Variants in UHRF2 observed in about 807,000 individuals in gnomAD.
UHRF2 encodes the protein ubiquitin like with PHD and ring finger domains 2, also known as E3 ubiquitin-protein ligase UHRF2.
A neutral mutation model predicts 96.8 loss-of-function variants in UHRF2; 23 were observed. The ratio of observed to expected loss-of-function variants is 0.24; its 90% CI spans 0.17 to 0.34. UHRF2 has a LOEUF of 0.34. Among genes scored for constraint, UHRF2 ranks in the 10% least tolerant of loss-of-function variants. The pLI, the probability that UHRF2 is intolerant of heterozygous loss-of-function variation, is 1.00. For missense variants in UHRF2, 685 were observed against 981.5 expected (o/e 0.70, Z 4.04); for synonymous variants, 385 against 332.6 (o/e 1.16, Z -1.72).
chr9:6,445,254 C>T (rs893263821), intron 3 of UHRF2, among the ~76,000 whole-genome samples: 8 of 150,156 alleles, frequency 5.3e-5, no homozygotes, highest in African/African-American at 2.0e-4. Flanking sequence ...ACTATTTGAC[C>T]TGTGTTATTT....
intron 3 of UHRF2, among the ~76,000 whole-genome samples, chr9:6,459,798 C>A (rs1822415298): frequency 6.6e-6 from 1 of 152,194 alleles, no homozygotes; most frequent in South Asian, 2.1e-4. Flanking sequence ...CATAGTAAGA[C>A]CCTGCTTCTA....
chr9:6,488,540 C>CTTTTTTTTTTTTTTTTTTTT, intron 9 of UHRF2, among the ~76,000 whole-genome samples: 1 of 83,822 alleles, frequency 1.2e-5, no homozygotes, highest in Non-Finnish European at 2.2e-5. Context: ...TTTTTCTTTT[C>CTTTTTTTTTTTTTTTTTTTT]TTTTTTTTTT....
chr9:6,452,143 T>G (rs1821911955), intron 3 of UHRF2, among the ~76,000 whole-genome samples: 1 of 152,194 alleles, frequency 6.6e-6, no homozygotes, highest in African/African-American at 2.4e-5. Flanking sequence ...TCATTTCTTT[T>G]TTATAGGAGC....
At chr9:6,421,809 T>C (rs1819946817) in intron 2 of UHRF2, among the ~76,000 whole-genome samples, 1 of 152,186 alleles carries the variant, frequency 6.6e-6, no homozygotes, top group Non-Finnish European at 1.5e-5. Flanking sequence ...TTTTATACTC[T>C]TTTTGTTTTT....
At chr9:6,490,657 T>TA (rs1203371143) in intron 9 of UHRF2, among the ~76,000 whole-genome samples, 1 of 152,174 alleles carries the variant, frequency 6.6e-6, no homozygotes, top group African/African-American at 2.4e-5. Context: ...TTATCTTAAA[T>TA]ATATGAAGTT....
chr9:6,490,112 A>G lies in UHRF2; in HGVS notation c.1497+3187A>G, dbSNP rs1824569958. ...CAACTAGAAATGTAGTCTCTTTAAC[A>G]TTTGTTTTTAGTGTCTGAGCAATTG... is the stretch of plus-strand genomic sequence containing the variant. On this transcript the variant is annotated intron_variant, in intron 9 of 15. Coordinates refer to ENST00000276893, the MANE Select transcript of UHRF2 (RefSeq NM_152896.3). Among the ~76,000 whole-genome samples, 4 of 152,276 alleles carry G rather than the reference A, an allele frequency of 2.6e-5. No homozygotes were observed. The South Asian group carries it at 6.2e-4, about 24-fold the overall frequency.
intron 9 of UHRF2, among the ~76,000 whole-genome samples, chr9:6,489,322 C>G (rs1210982573): frequency 6.6e-6 from 1 of 152,178 alleles, no homozygotes; most frequent in Non-Finnish European, 1.5e-5. Context: ...CATGGAAGAA[C>G]AGCTGGGTTC....
At chr9:6,499,381 G>T (rs560087425) in intron 12 of UHRF2, 1 of 152,148 alleles carries the variant, frequency 6.6e-6, no homozygotes, top group Non-Finnish European at 1.5e-5. Context: ...AGCTCCTGCC[G>T]CTAACTTTAG....
chr9:6,481,242 T>C (rs560809287), intron 6 of UHRF2, among the ~76,000 whole-genome samples: 2 of 152,316 alleles, frequency 1.3e-5, no homozygotes, highest in Non-Finnish European at 2.9e-5. Context: ...CTCTGGGAAT[T>C]CTAATAACCA....
At position 6,430,967 on chromosome 9, in the gene UHRF2, T is replaced by G. The variant is rs114887380; in HGVS notation, c.385-2947T>G. On this transcript the variant is annotated intron_variant, in intron 2 of 15. Coordinates refer to ENST00000276893, the MANE Select transcript of UHRF2 (RefSeq NM_152896.3). ...TGCTCCCACATAGGCAAATTCTGTT[T>G]TCCTCTTTTGTCTGCTATTTTGCTA... Among the ~76,000 whole-genome samples the G allele has an allele frequency of 1.1e-3, 175 of 152,354 alleles. 2 individuals carry two copies. The highest frequency in any genetic ancestry group is 4.0e-3 in the African/African-American group (167 of 41,590).
At position 6,493,846 on chromosome 9, in the gene UHRF2, A is replaced by T; in HGVS notation, c.1518A>T (p.Thr506=). The T allele has an allele frequency of 6.2e-7, 1 of 1,614,004 alleles. No individual in the cohort carries two copies. The highest frequency in any genetic ancestry group is 1.1e-5 in the South Asian group (1 of 91,076). The change falls in exon 10 of 16, where the codon ACA becomes ACT. Residue 506 remains threonine, a synonymous_variant. Coordinates refer to ENST00000276893, the MANE Select transcript of UHRF2 (RefSeq NM_152896.3). Reference sequence around the variant, plus strand: ...GACAGGACCGAGGTGATGAGTTCACATACACTGGAAGCGGTGGTAAAAATC... The same window carrying T: ...GACAGGACCGAGGTGATGAGTTCACTTACACTGGAAGCGGTGGTAAAAATC... The part of the protein sequence containing the change: ...ADEVDRGDEF[T]YTGSGGKNLA...
intron 9 of UHRF2, among the ~76,000 whole-genome samples, chr9:6,489,949 T>C (rs1329529462): frequency 6.6e-6 from 1 of 152,186 alleles, no homozygotes; most frequent in Non-Finnish European, 1.5e-5. Flanking sequence ...ATGGAAATAT[T>C]TAGGTTCATC....
At chr9:6,420,641 C>T (rs1486477543) in intron 1 of UHRF2, among the ~76,000 whole-genome samples, 1 of 149,918 alleles carries the variant, frequency 6.7e-6, no homozygotes, top group East Asian at 2.0e-4. Context: ...CGGGAGGAGG[C>T]GCTTGCAGTG....
intron 13 of UHRF2, among the ~76,000 whole-genome samples, 188 bp downstream of exon 13, chr9:6,500,119 C>T (rs967804937): frequency 1.3e-5 from 2 of 151,960 alleles, no homozygotes; most frequent in African/African-American, 2.4e-5. Context: ...GGCTGTACAC[C>T]ACCACACCTG....
chr9:6,418,839 T>C lies in UHRF2; in HGVS notation c.154-2073T>C, dbSNP rs186807906. On this transcript the variant is annotated intron_variant, in intron 1 of 15. Transcript: ENST00000276893. ...CTGGGTGGCTTAAAACAATAGAAAT[T>C]TACTGTCTCACAGTTCTAGAGGTCT... is the stretch of plus-strand genomic sequence containing the variant. Among the ~76,000 whole-genome samples, 4 of 152,302 alleles carry C rather than the reference T, an allele frequency of 2.6e-5. No homozygotes were observed. The East Asian group carries it at 7.7e-4, about 29-fold the overall frequency.
intron 4 of UHRF2, among the ~76,000 whole-genome samples, chr9:6,470,534 G>C (rs924666352): frequency 1.3e-5 from 2 of 152,114 alleles, no homozygotes; most frequent in Non-Finnish European, 2.9e-5. Flanking sequence ...TGAGATTCCC[G>C]ATGGAACATC....
At chr9:6,455,553 G>A (rs1822127998) in intron 3 of UHRF2, among the ~76,000 whole-genome samples, 1 of 152,136 alleles carries the variant, frequency 6.6e-6, no homozygotes, top group African/African-American at 2.4e-5. Flanking sequence ...GGACATTTGG[G>A]TTGGTTCCAA....
Position 6,469,459 on chromosome 9 carries a change from A to G in UHRF2, c.864-5932A>G, listed in dbSNP as rs187145189. On this transcript the variant is annotated intron_variant, in intron 4 of 15. Transcript: ENST00000276893. ...CCTGAACCTGGGAGACAGAGGTTGCAGTGAGCCAAGATTGCGCCACTGCAC... is the reference window on the plus strand; with the variant it reads ...CCTGAACCTGGGAGACAGAGGTTGCGGTGAGCCAAGATTGCGCCACTGCAC... 5.1e-3 allele frequency among the ~76,000 whole-genome samples: 779 copies of G among 152,204 alleles called. 1 individual carries two copies. The highest frequency in any genetic ancestry group is 0.018 in the African/African-American group (734 of 41,516).
chr9:6,502,701 A>C (rs1228817420), intron 14 of UHRF2, among the ~76,000 whole-genome samples: 2 of 152,194 alleles, frequency 1.3e-5, no homozygotes, highest in East Asian at 3.8e-4. Context: ...AGTGCCTAGC[A>C]CATTGTAGCT....
Sources: allele counts gnomAD v4.1 joint callset (sites outside exome capture counted in the v4.1 genomes callset), GRCh38; gene constraint gnomAD v4.1.1; transcripts MANE v1.5; gene names NCBI Gene and HGNC (gene_info 2026-07-23, HGNC 2026-07-21).